Variants in USP54 observed in about 807,000 individuals in gnomAD.
The protein encoded by USP54 is ubiquitin carboxyl-terminal hydrolase 54.
Under a neutral mutation model 170.5 loss-of-function variants are expected in USP54, and 87 were observed. The observed-to-expected ratio is 0.51, with a 90% CI of 0.43 to 0.61. The LOEUF (loss-of-function observed/expected upper bound fraction) is 0.61, where lower values mean the gene tolerates loss of function less well. Ranked by LOEUF, USP54 falls within the 20% of genes least tolerant of loss-of-function variation. The probability of loss-of-function intolerance (pLI) is 0.00; values close to 1 mark genes in which losing one functional copy is unlikely to be tolerated. For missense variants in USP54, 1,786 were observed against 2,047.8 expected (o/e 0.87, Z 2.47); for synonymous variants, 655 against 742.8 (o/e 0.88, Z 1.92).
chr10:73,569,552 C>T (rs1385026381), intron 4 of USP54, among the ~76,000 whole-genome samples: 2 of 151,730 alleles, frequency 1.3e-5, no homozygotes, highest in Admixed American at 6.6e-5. Context: ...GAGGCCGAGG[C>T]GGGCGTCACC....
At chr10:73,511,096 CTTTTTTTTTT>C (rs777196673) in intron 20 of USP54, among the ~76,000 whole-genome samples, 1 of 121,564 alleles carries the variant, frequency 8.2e-6, no homozygotes, top group Non-Finnish European at 1.7e-5. Flanking sequence ...ATGAAAACAC[CTTTTTTTTTT>C]TTTTTTTTTT....
intron 4 of USP54, among the ~76,000 whole-genome samples, chr10:73,551,058 T>C (rs1455963564): frequency 6.6e-6 from 1 of 152,148 alleles, no homozygotes; most frequent in African/African-American, 2.4e-5. Context: ...TGAGCCGAGA[T>C]TGCATACTGC....
intron 1 of USP54, among the ~76,000 whole-genome samples, chr10:73,589,496 T>C (rs1273563032): frequency 2.0e-5 from 3 of 152,324 alleles, no homozygotes; most frequent in African/African-American, 7.2e-5. Flanking sequence ...ATAATAACCT[T>C]CTGATTTAAT....
At chr10:73,512,548 C>T (rs926756079) in intron 20 of USP54, among the ~76,000 whole-genome samples, 3 of 152,034 alleles carry the variant, frequency 2.0e-5, no homozygotes, top group Admixed American at 1.3e-4. Flanking sequence ...CACTGTGTTG[C>T]CCAGGCTGGA....
At position 73,529,702 on chromosome 10, in the gene USP54, G is replaced by T; in HGVS notation, c.2038C>A (p.Pro680Thr). 1 of 1,614,076 alleles carries T rather than the reference G, an allele frequency of 6.2e-7. No individual in the cohort carries two copies. Among genetic ancestry groups the T allele is most frequent in the Non-Finnish European group, 8.5e-7 (1 of 1,179,948 alleles). Residue 680 changes from proline to threonine, a missense_variant, in exon 15 of 24, where the codon CCT (proline) becomes ACT (threonine). By Grantham distance (38) the Pro-to-Thr change is conservative. Coordinates refer to ENST00000687698, the MANE Select transcript of USP54 (RefSeq NM_001391956.1). ...SSPVSLDAAL[P>T]ESSNVYRDPS... ...TACCTGTAGACATTTGAGCTCTCAG[G>T]CAGGGCTGCATCCAGGCTGACAGGG... is the stretch of plus-strand genomic sequence containing the variant.
chr10:73,515,270 A>T (rs1332986568), intron 20 of USP54, among the ~76,000 whole-genome samples: 2 of 151,240 alleles, frequency 1.3e-5, no homozygotes, highest in Admixed American at 1.3e-4. Flanking sequence ...TAGAGTTAGA[A>T]CATATCTTTT....
chr10:73,534,624 T>C lies in USP54; in HGVS notation c.1291A>G (p.Met431Val), dbSNP rs778819726. Residue 431 changes from methionine to valine, a missense_variant, in exon 12 of 24, where the codon ATG becomes GTG. Around this residue, in one of 3 missense-constraint regions of USP54, gnomAD observed 1,418 missense variants for 1,569.0 expected, o/e 0.90. Coordinates refer to ENST00000687698, the MANE Select transcript of USP54 (RefSeq NM_001391956.1). The stretch of plus-strand genomic sequence containing the variant: ...CCTGTGTCCCGACTGCTCTGAGACA[T>C]GGAATCATTTTCCACATTATAGATG... ...TVIYNVENDSMSQSSRDTGHL... is the reference protein window; with the variant it reads ...TVIYNVENDSVSQSSRDTGHL... 1 of 1,614,080 alleles carries C rather than the reference T, an allele frequency of 6.2e-7. No individual in the cohort carries two copies. Among genetic ancestry groups the C allele is most frequent in the South Asian group, 1.1e-5 (1 of 91,088 alleles).
chr10:73,510,164 G>A (rs188454821), intron 20 of USP54, among the ~76,000 whole-genome samples: 22 of 151,808 alleles, frequency 1.4e-4, no homozygotes, highest in Admixed American at 3.3e-4. Context: ...GTGAAACCCC[G>A]TCTCTACTAA....
intron 4 of USP54, among the ~76,000 whole-genome samples, chr10:73,567,989 C>T (rs1208844771): frequency 6.6e-6 from 1 of 152,166 alleles, no homozygotes; most frequent in Non-Finnish European, 1.5e-5. Flanking sequence ...TCATAGCTCA[C>T]TTCAGTGTTG....
At chr10:73,625,409 G>A (rs1326158398) in intron 1 of USP54, among the ~76,000 whole-genome samples, 9 of 152,054 alleles carry the variant, frequency 5.9e-5, no homozygotes, top group Admixed American at 5.9e-4. Context: ...CACCATTCCC[G>A]CCACGGCCAT....
At chr10:73,507,348 C>T (rs2059317926) in intron 20 of USP54, 1 of 152,020 alleles carries the variant, frequency 6.6e-6, no homozygotes, top group Admixed American at 6.6e-5. Context: ...TTCTGAGCCA[C>T]TCCTCAGATG....
chr10:73,592,635 T>C (rs913649143), upstream of USP54, among the ~76,000 whole-genome samples: 2 of 152,174 alleles, frequency 1.3e-5, no homozygotes, highest in Admixed American at 1.3e-4. Context: ...AATAAAGACA[T>C]ACAAACATCA....
intron 7 of USP54, 142 bp from the exon 8 acceptor site, chr10:73,541,880 C>T: frequency 4.1e-6 from 3 of 728,216 alleles, no homozygotes; most frequent in East Asian, 5.4e-5. Flanking sequence ...CTCAGTGTCC[C>T]ATAAACACAG....
chr10:73,553,910 C>A (rs756789808), intron 4 of USP54, among the ~76,000 whole-genome samples: 23 of 152,210 alleles, frequency 1.5e-4, no homozygotes, highest in Admixed American at 9.2e-4. Context: ...CTTCCCCACC[C>A]ATCTCTCTTG....
intron 20 of USP54, among the ~76,000 whole-genome samples, chr10:73,514,611 GCTCA>G: frequency 6.6e-6 from 1 of 151,576 alleles, no homozygotes; most frequent in Non-Finnish European, 1.5e-5. Flanking sequence ...TAGATAGAAA[GCTCA>G]CTGAGGCAGA....
intron 1 of USP54, among the ~76,000 whole-genome samples, chr10:73,597,751 A>G (rs951968096): frequency 1.3e-5 from 2 of 152,246 alleles, no homozygotes; most frequent in Non-Finnish European, 2.9e-5. Context: ...GGCAATGGGC[A>G]GAATGAACCC....
At chr10:73,554,080 T>C (rs1392837026) in intron 4 of USP54, among the ~76,000 whole-genome samples, 1 of 152,162 alleles carries the variant, frequency 6.6e-6, no homozygotes, top group Non-Finnish European at 1.5e-5. Context: ...AAACAGACTC[T>C]TGTCTTTAAG....
chr10:73,577,943 A>G (rs1054012046), intron 1 of USP54, among the ~76,000 whole-genome samples: 2 of 152,148 alleles, frequency 1.3e-5, no homozygotes, highest in African/African-American at 4.8e-5. Context: ...CTTCAGCTCA[A>G]CTGCTGCAAA....
intron 10 of USP54, among the ~76,000 whole-genome samples, chr10:73,537,470 GC>G (rs1417481375): frequency 1.3e-5 from 2 of 152,032 alleles, no homozygotes; most frequent in Non-Finnish European, 2.9e-5. Flanking sequence ...CCTAACTCAT[GC>G]AGATCACATA....
Sources: allele counts gnomAD v4.1 joint callset (sites outside exome capture counted in the v4.1 genomes callset), GRCh38; gene constraint gnomAD v4.1.1; regional missense constraint gnomAD v4.1.1; transcripts MANE v1.5; gene names NCBI Gene and HGNC (gene_info 2026-07-23, HGNC 2026-07-21).